RGPD6: variants seen among roughly 807,000 people sequenced by gnomAD.
The protein encoded by RGPD6 is RANBP2-like and GRIP domain-containing protein 5/6.
At chr2:110,606,744 C>T in the RGPD6 span, among the ~76,000 whole-genome samples, 1 of 150,224 alleles carries the variant, frequency 6.7e-6, no homozygotes, top group African/African-American at 2.5e-5. Flanking sequence ...ACTCTCAATA[C>T]CCCCACCCAC....
At chr2:110,593,733 A>G in the RGPD6 span, among the ~76,000 whole-genome samples, 1 of 148,862 alleles carries the variant, frequency 6.7e-6, no homozygotes, top group Admixed American at 6.6e-5. Context: ...GAATTTCTTA[A>G]GCAGGTGTCA....
chr2:110,593,152 C>G, the RGPD6 span, among the ~76,000 whole-genome samples: 2 of 148,148 alleles, frequency 1.3e-5, no homozygotes, highest in Non-Finnish European at 2.9e-5. Context: ...TCTCTTACAA[C>G]AGCCCTTAGA....
At chr2:110,610,525 C>CA in the RGPD6 span, among the ~76,000 whole-genome samples, 1 of 151,694 alleles carries the variant, frequency 6.6e-6, no homozygotes, top group African/African-American at 2.4e-5. Flanking sequence ...GAGGGGGAAA[C>CA]AGACGGGCAG....
chr2:110,607,324 C>T, the RGPD6 span, among the ~76,000 whole-genome samples: 104 of 151,682 alleles, frequency 6.9e-4, no homozygotes, highest in Non-Finnish European at 1.1e-3. Context: ...TGCTTCAAAC[C>T]AGAAATTGGA....
chr2:110,610,902 G>GC, the RGPD6 span: 58 of 789,310 alleles, frequency 7.3e-5, no homozygotes, highest in Non-Finnish European at 8.4e-5. Context: ...GCCGCCGCCC[G>GC]CCCCCAGGTC....
At chr2:110,591,733 C>CA in the RGPD6 span, among the ~76,000 whole-genome samples, 5 of 151,772 alleles carry the variant, frequency 3.3e-5, no homozygotes, top group African/African-American at 1.2e-4. Context: ...ACTGAGCTCC[C>CA]AAAATCCTAG....
At position 110,577,009 on chromosome 2, in the gene RGPD6, C is replaced by T; in HGVS notation, c.16G>A (p.Ala6Thr). 3 of 642,084 alleles carry T rather than the reference C, an allele frequency of 4.7e-6. No individual in the cohort carries two copies. The highest frequency in any genetic ancestry group is 5.7e-6 in the Non-Finnish European group (3 of 528,162). The allele number at this position is 642,084 out of a possible 1,614,324, so 39.8% of individuals were successfully genotyped here. The change falls in exon 1 of 23, where the codon GCC becomes ACC. Residue 6 changes from alanine to threonine, a missense_variant. Ala to Thr is a moderately conservative substitution (Grantham distance 58, BLOSUM62 0). Transcript: ENST00000329516. ...GAGGCGACGTACCGCTCCACATCGG[C>T]CTTGCTGCGCCTCATCGCGCCGCCA... is the stretch of plus-strand genomic sequence containing the variant. MRRSKADVERYVASVL... is the reference protein window; with the variant it reads MRRSKTDVERYVASVL...
the RGPD6 span, among the ~76,000 whole-genome samples, chr2:110,589,477 T>C: frequency 2.0e-5 from 3 of 152,194 alleles, no homozygotes; most frequent in Non-Finnish European, 4.4e-5. Flanking sequence ...ACGGTATTTT[T>C]CATTTAGCAG....
chr2:110,601,034 A>C, the RGPD6 span, among the ~76,000 whole-genome samples: 14,100 of 140,560 alleles, frequency 0.1, no homozygotes, highest in East Asian at 0.2. Context: ...TGGCAAGGAA[A>C]GTCTACCTGC....
chr2:110,607,914 CTT>C, the RGPD6 span, among the ~76,000 whole-genome samples: 3 of 133,714 alleles, frequency 2.2e-5, no homozygotes, highest in South Asian at 2.6e-4. Context: ...GGCTCTCTCT[CTT>C]TGTTATTTTA....
At chr2:110,604,683 A>T in the RGPD6 span, among the ~76,000 whole-genome samples, 5 of 149,658 alleles carry the variant, frequency 3.3e-5, no homozygotes, top group Middle Eastern at 3.4e-3. Flanking sequence ...AAATTAAAAT[A>T]AAAAAAAAAA....
chr2:110,611,014 G>A, the RGPD6 span: 8 of 964,056 alleles, frequency 8.3e-6, no homozygotes, highest in Non-Finnish European at 9.7e-6. Context: ...GCACACTCAA[G>A]AGAGAGCAGC....
the RGPD6 span, among the ~76,000 whole-genome samples, chr2:110,592,854 T>C: frequency 6.9e-6 from 1 of 143,894 alleles, no homozygotes; most frequent in Non-Finnish European, 1.5e-5. Flanking sequence ...GAACGTATCA[T>C]GGATCTTTTT....
At chr2:110,576,909 C>CG (rs1688411493) in intron 1 of RGPD6, 44 bp downstream of exon 1, 2 of 1,104,222 alleles carry the variant, frequency 1.8e-6, no homozygotes, top group African/African-American at 4.0e-5. Context: ...CCTCCCCCCC[C>CG]GGCCGGGTCG....
the RGPD6 span, among the ~76,000 whole-genome samples, chr2:110,606,654 A>G: frequency 7.4e-5 from 10 of 135,798 alleles, no homozygotes; most frequent in African/African-American, 2.7e-4. Flanking sequence ...AGGTAATTCC[A>G]CCATGATGCA....
chr2:110,609,871 C>A, the RGPD6 span, among the ~76,000 whole-genome samples: 1 of 121,766 alleles, frequency 8.2e-6, no homozygotes, highest in Admixed American at 8.1e-5. Flanking sequence ...AAGACAGATA[C>A]TAAAGCAGCC....
At chr2:110,610,777 T>C in the RGPD6 span, 281 of 1,121,992 alleles carry the variant, frequency 2.5e-4, 1 homozygote, top group Non-Finnish European at 3.0e-4. Flanking sequence ...TGGTGGGAGG[T>C]GTCAGCGTCG....
At chr2:110,591,654 A>G in the RGPD6 span, among the ~76,000 whole-genome samples, 1 of 151,820 alleles carries the variant, frequency 6.6e-6, no homozygotes, top group Non-Finnish European at 1.5e-5. Flanking sequence ...CAAAGGCTCC[A>G]GTCTCCCTCA....
chr2:110,609,844 GAGAA>G, the RGPD6 span, among the ~76,000 whole-genome samples: 2 of 122,398 alleles, frequency 1.6e-5, no homozygotes, highest in Admixed American at 8.0e-5. Context: ...GGGGGGAGCA[GAGAA>G]AGAAGGGGGA....
Sources: allele counts gnomAD v4.1 joint callset (sites outside exome capture counted in the v4.1 genomes callset), GRCh38; gene constraint gnomAD v4.1.1; transcripts MANE v1.5; gene names NCBI Gene and HGNC (gene_info 2026-07-23, HGNC 2026-07-21).